RYR1: variants seen among roughly 807,000 people sequenced by gnomAD.
RYR1 encodes the protein central core disease of muscle.
Under a neutral mutation model 583.5 loss-of-function variants are expected in RYR1, and 342 were observed. That is an observed-to-expected ratio of 0.59 (90% CI 0.54 to 0.64). RYR1 has a LOEUF of 0.64. RYR1 is among the 30% of genes least tolerant of loss of function. RYR1 has a pLI of 0.00. For synonymous variants in RYR1, 2,791 were observed against 2,822.5 expected (o/e 0.99, Z 0.35); for missense variants, 6,032 against 6,917.2 (o/e 0.87, Z 4.54).
chr19:38,570,926 A>T (rs1365251298), intron 94 of RYR1, among the ~76,000 whole-genome samples: 7 of 152,224 alleles, frequency 4.6e-5, no homozygotes, highest in African/African-American at 1.7e-4. Context: ...TGGGAGTTAG[A>T]GCAGGAGCAG....
chr19:38,518,745 A>G (rs942464554), intron 66 of RYR1, among the ~76,000 whole-genome samples: 3 of 152,158 alleles, frequency 2.0e-5, no homozygotes, highest in African/African-American at 7.2e-5. Flanking sequence ...CCTGGCCAAC[A>G]TGGTGAAACC....
chr19:38,469,458 T>A lies in RYR1; in HGVS notation c.3710T>A (p.Phe1237Tyr). The stretch of plus-strand genomic sequence containing the variant: ...ATGCAGCGCCCAGTCACCACCTGGT[T>A]CAGCAAAGGCCTGCCCCAGTTTGAG... The part of the protein sequence containing the change: ...INMQRPVTTW[F>Y]SKGLPQFEPV... Residue 1237 changes from phenylalanine to tyrosine, a missense_variant, in exon 27 of 106, where the codon TTC becomes TAC. This residue lies in a region of RYR1 where 2,627 missense variants were observed against 2,961.3 expected (regional missense o/e 0.89). Transcript: ENST00000359596. 1 of 1,614,176 alleles carries A rather than the reference T, an allele frequency of 6.2e-7. No individual in the cohort carries two copies. The highest frequency in any genetic ancestry group is 8.5e-7 in the Non-Finnish European group (1 of 1,180,036).
intron 49 of RYR1, 57 bp downstream of exon 49, chr19:38,503,027 T>G: frequency 1.3e-6 from 2 of 1,553,828 alleles, no homozygotes; most frequent in Non-Finnish European, 1.8e-6. Flanking sequence ...TGGTTTGCTC[T>G]TCCCTCCTAC....
chr19:38,527,665 C>T lies in RYR1; in HGVS notation c.10705C>T (p.Leu3569=). Residue 3569 remains leucine, a synonymous_variant, in exon 73 of 106, where the codon CTG becomes TTG. Transcript: ENST00000359596. ...LQGKVEGSPS[L]RWQMALYRGV... ...CCTTCAGGTCGAAGGCTCCCCGTCT[C>T]TGCGCTGGCAGATGGCTCTGTACCG... 1 of 1,614,178 alleles carries T rather than the reference C, an allele frequency of 6.2e-7. No homozygotes were observed. The highest frequency in any genetic ancestry group is 8.5e-7 in the Non-Finnish European group (1 of 1,180,036).
At chr19:38,577,737 A>G (rs534260076) in intron 97 of RYR1, among the ~76,000 whole-genome samples, 181 bp from the exon 98 acceptor site, 3 of 152,036 alleles carry the variant, frequency 2.0e-5, no homozygotes, top group African/African-American at 7.2e-5. Flanking sequence ...CACAGGTTGC[A>G]GTGAGCAGAG....
At chr19:38,522,766 A>G (rs1310828401) in intron 67 of RYR1, among the ~76,000 whole-genome samples, 2 of 152,106 alleles carry the variant, frequency 1.3e-5, no homozygotes, top group African/African-American at 4.8e-5. Flanking sequence ...CGTGCCCAAC[A>G]TGGTGAAACC....
Position 38,565,660 on chromosome 19 carries a change from TGGGGGCCCCTTCCGGCCCGAA to T in RYR1, c.13331_13351del (p.Gly4444_Gly4450del). 7.2e-7 allele frequency: 1 copy of T among 1,385,452 alleles called. No homozygotes were observed. Among genetic ancestry groups the T allele is most frequent in the Non-Finnish European group, 9.3e-7 (1 of 1,080,442 alleles). The allele number at this position is 1,385,452 out of a possible 1,614,324, so 85.8% of individuals were successfully genotyped here. On this transcript the variant is annotated inframe_deletion, in exon 91 of 106. Coordinates refer to ENST00000359596, the MANE Select transcript of RYR1 (RefSeq NM_000540.3). This position sits in a 1 kb window ranked among gnomAD's most constrained non-coding sequence, Gnocchi z 4.7. The stretch of plus-strand genomic sequence containing the variant: ...CCGACGGGGCGGTGGCCGTGACCGA[TGGGGGCCCCTTCCGGCCCGAA>T]GGGGCTGGCGGTCTCGGGGACATGG...
intron 48 of RYR1, 31 bp from the exon 49 acceptor site, chr19:38,502,849 G>C (rs530003664): frequency 1.2e-5 from 20 of 1,602,804 alleles, no homozygotes; most frequent in Middle Eastern, 1.7e-4. Flanking sequence ...GCCTGGACGG[G>C]GGATTCTACA....
chr19:38,575,795 T>TC (rs1427188310), intron 96 of RYR1, 124 bp from the exon 97 acceptor site: 1 of 1,000,122 alleles, frequency 1.0e-6, no homozygotes, highest in African/African-American at 1.6e-5. Flanking sequence ...AGAGTGAGAC[T>TC]CCATCTCAAA....
intron 73 of RYR1, 131 bp downstream of exon 73, chr19:38,527,915 G>A (rs1971545919): frequency 3.8e-6 from 4 of 1,062,016 alleles, no homozygotes; most frequent in African/African-American, 1.6e-5. Flanking sequence ...GTGGAGCCTC[G>A]AGTTTAAGGC....
intron 89 of RYR1, among the ~76,000 whole-genome samples, chr19:38,558,624 C>T (rs1308064053): frequency 6.6e-6 from 1 of 150,588 alleles, no homozygotes; most frequent in East Asian, 2.0e-4. Flanking sequence ...ACTAAAAATA[C>T]AAAAATTAGC....
At chr19:38,558,039 T>G (rs1279147572) in intron 89 of RYR1, among the ~76,000 whole-genome samples, 9 of 152,110 alleles carry the variant, frequency 5.9e-5, no homozygotes, top group Non-Finnish European at 1.0e-4. Context: ...CCAGGCACGA[T>G]GACTCATGCC....
Position 38,570,439 on chromosome 19 carries a change from A to G in RYR1, c.13660-168A>G, listed in dbSNP as rs377098355. On this transcript the variant is annotated intron_variant, in intron 93 of 105. Transcript: ENST00000359596. ...TGCACTCCAGCCTGGACGACAGAGC[A>G]AGACTCTGTCTCAAAAATAATAATA... is the stretch of plus-strand genomic sequence containing the variant. Among the ~76,000 whole-genome samples the G allele has an allele frequency of 5.9e-4, 90 of 152,214 alleles. No homozygotes were observed. The East Asian group carries it at 0.016, about 27-fold the overall frequency.
In RYR1 at chr19:38,502,679, C is replaced by A. The variant is rs193922824; in HGVS notation, c.7787C>A (p.Thr2596Asn). ...VYRLSRGRSLTKAQRDVIEDC... is the reference protein window; with the variant it reads ...VYRLSRGRSLNKAQRDVIEDC... ...CGCCTGTCTCGGGGTCGTTCGCTCACCAAGGCGCAGCGTGACGTCATCGAG... is the reference window on the plus strand; with the variant it reads ...CGCCTGTCTCGGGGTCGTTCGCTCAACAAGGCGCAGCGTGACGTCATCGAG... The change falls in exon 48 of 106, where the codon ACC becomes AAC. Residue 2596 changes from threonine (T) to asparagine (N), a missense_variant. Coordinates refer to ENST00000359596, the MANE Select transcript of RYR1 (RefSeq NM_000540.3). 6.2e-7 allele frequency: 1 copy of A among 1,609,662 alleles called. No individual in the cohort carries two copies. Among genetic ancestry groups the A allele is most frequent in the Admixed American group, 1.7e-5 (1 of 59,894 alleles).
chr19:38,566,046 G>A (rs1314414823), intron 91 of RYR1, among the ~76,000 whole-genome samples: 1 of 148,922 alleles, frequency 6.7e-6, no homozygotes, highest in African/African-American at 2.5e-5. Flanking sequence ...GTGCAGGGCC[G>A]GACAGAGTGC....
chr19:38,535,563 G>T (rs1168227681), intron 81 of RYR1, 171 bp downstream of exon 81: 28 of 685,006 alleles, frequency 4.1e-5, no homozygotes, highest in Admixed American at 6.3e-5. Flanking sequence ...GAACAATAAG[G>T]GAGGCAAAAT....
chr19:38,517,923 T>C (rs151021717), intron 66 of RYR1, among the ~76,000 whole-genome samples: 2 of 152,240 alleles, frequency 1.3e-5, no homozygotes, highest in Non-Finnish European at 2.9e-5. Flanking sequence ...CTAGGTAACA[T>C]AGCACGACCC....
At chr19:38,484,171 C>T (rs895574999) in intron 33 of RYR1, among the ~76,000 whole-genome samples, 6 of 151,888 alleles carry the variant, frequency 4.0e-5, no homozygotes, top group South Asian at 2.1e-4. Flanking sequence ...GTGCACCCAT[C>T]GTCCCAGCTA....
rs555917165 is a variant in RYR1 at position 38,444,755 on chromosome 19, A to G, written c.631+78A>G. On this transcript the variant is annotated intron_variant, in intron 7 of 105. Transcript: ENST00000359596. This position sits in a 1 kb window ranked among gnomAD's most constrained non-coding sequence, Gnocchi z 5.1. ...AATGTTGCCCTTCAGGCATACCCAAATGGAGCCTTGGAACCTCAGACCTCA... is the reference window on the plus strand; with the variant it reads ...AATGTTGCCCTTCAGGCATACCCAAGTGGAGCCTTGGAACCTCAGACCTCA... 1.4e-5 allele frequency: 16 copies of G among 1,127,526 alleles called. No individual in the cohort carries two copies. The highest frequency in any genetic ancestry group is 1.8e-5 in the Non-Finnish European group (14 of 758,940). The allele number at this position is 1,127,526 out of a possible 1,614,324, so 69.8% of individuals were successfully genotyped here.
Sources: gnomAD v4.1 joint callset for allele counts (sites outside exome capture counted in the v4.1 genomes callset) on GRCh38, gnomAD v4.1.1 for gene constraint, gnomAD v4.1.1 regional missense constraint, Gnocchi (gnomAD v3.1) non-coding constraint, MANE v1.5 for transcripts, NCBI Gene and HGNC (gene_info 2026-07-23, HGNC 2026-07-21) for gene names.